The following HDGFL2 variants were observed in gnomAD, a reference collection of about 807,000 sequenced individuals.
HDGFL2 encodes HDGF like 2, also known as hepatoma-derived growth factor-related protein 2.
A neutral mutation model predicts 77.1 loss-of-function variants in HDGFL2; 36 were observed. The ratio of observed to expected loss-of-function variants is 0.47; its 90% CI spans 0.36 to 0.62. HDGFL2 has a LOEUF of 0.62. HDGFL2 is among the 20% of genes least tolerant of loss of function. HDGFL2 has a pLI of 0.00. For synonymous variants in HDGFL2, 463 were observed against 413.1 expected (o/e 1.12, Z -1.46); for missense variants, 976 against 973.4 (o/e 1.00, Z -0.04).
At position 4,498,747 on chromosome 19, in the gene HDGFL2, C is replaced by T. The variant is rs367608684; in HGVS notation, c.1474-67C>T. 2.4e-5 allele frequency: 25 copies of T among 1,060,800 alleles called. No individual in the cohort carries two copies. The East Asian group carries it at 4.1e-4, about 17-fold the overall frequency. The allele number at this position is 1,060,800 out of a possible 1,614,324, so 65.7% of individuals were successfully genotyped here. The stretch of plus-strand genomic sequence containing the variant: ...GCCCAGGATGTCTTCCTCCACCCAT[C>T]GGGGCCCTGGGACCCCTGGGGATCC... On this transcript the variant is annotated intron_variant, in intron 12 of 15. Coordinates refer to ENST00000616600, the MANE Select transcript of HDGFL2 (RefSeq NM_001001520.3).
At chr19:4,492,859 GT>G (rs1975561746) in intron 6 of HDGFL2, among the ~76,000 whole-genome samples, 2 of 145,802 alleles carry the variant, frequency 1.4e-5, no homozygotes, top group African/African-American at 2.6e-5. Flanking sequence ...TTGTCTGTGT[GT>G]GTGTGGTGTG....
intron 4 of HDGFL2, among the ~76,000 whole-genome samples, chr19:4,490,807 CT>C (rs34565005): frequency 0.69 from 99,560 of 144,836 alleles, 34,378 homozygotes; most frequent in Middle Eastern, 0.77. Flanking sequence ...TTTTTTTTCT[CT>C]TTTTTTTTTT....
intron 10 of HDGFL2, chr19:4,497,576 G>A: frequency 3.1e-6 from 1 of 322,966 alleles, no homozygotes; most frequent in South Asian, 3.0e-5. Context: ...CAGTGGCGGG[G>A]TACAGAGCAG....
rs542726760 is a variant in HDGFL2, at chr19:4,496,123, C to T, written c.1225-179C>T. 1.1e-4 allele frequency among the ~76,000 whole-genome samples: 16 copies of T among 152,250 alleles called. No individual in the cohort carries two copies. The South Asian group carries it at 3.1e-3, about 30-fold the overall frequency. ...TGGGGCCTGGGCTCCAAGAACCCCACGATCCACTCAGGACCGGACACTGGG... is the reference window on the plus strand; with the variant it reads ...TGGGGCCTGGGCTCCAAGAACCCCATGATCCACTCAGGACCGGACACTGGG... On this transcript the variant is annotated intron_variant, in intron 9 of 15. Transcript: ENST00000616600.
At chr19:4,478,462 A>G (rs751228617) in intron 3 of HDGFL2, among the ~76,000 whole-genome samples, 1 of 152,104 alleles carries the variant, frequency 6.6e-6, no homozygotes, top group South Asian at 2.1e-4. Flanking sequence ...TTGGCCTCCA[A>G]AGTGCTGGGA....
chr19:4,473,387 G>C (rs1175621263), intron 1 of HDGFL2, among the ~76,000 whole-genome samples: 1 of 151,772 alleles, frequency 6.6e-6, no homozygotes, highest in Non-Finnish European at 1.5e-5. Flanking sequence ...GGTGTCCAGG[G>C]TGCCTCAGGG....
At chr19:4,483,702 C>A (rs938239191) in intron 3 of HDGFL2, among the ~76,000 whole-genome samples, 2 of 152,074 alleles carry the variant, frequency 1.3e-5, no homozygotes, top group African/African-American at 4.8e-5. Flanking sequence ...CTTGCTCTCT[C>A]CTGGACACCA....
In HDGFL2 at chr19:4,488,735, T is replaced by C. The variant is rs929074553; in HGVS notation, c.348T>C (p.Ala116=). 3.9e-6 allele frequency: 6 copies of C among 1,553,742 alleles called. No individual in the cohort carries two copies. In the African/African-American group the frequency reaches 6.8e-5, roughly 18 times the overall value. ...CCAACCCCGCCGACGGCAGTGACGCTGACGAGGACGATGAGGACCGGGGGG... is the reference window on the plus strand; with the variant it reads ...CCAACCCCGCCGACGGCAGTGACGCCGACGAGGACGATGAGGACCGGGGGG... ...PEANPADGSD[A]DEDDEDRGVM... Residue 116 remains alanine (A), a synonymous_variant, in exon 4 of 16, where the codon GCT becomes GCC. Coordinates refer to ENST00000616600, the MANE Select transcript of HDGFL2 (RefSeq NM_001001520.3).
chr19:4,494,226 C>G lies in HDGFL2; in HGVS notation c.975C>G (p.Arg325=), dbSNP rs984422403. 1.4e-6 allele frequency: 2 copies of G among 1,462,356 alleles called. No individual in the cohort carries two copies. Among genetic ancestry groups the G allele is most frequent in the Non-Finnish European group, 1.8e-6 (2 of 1,110,974 alleles). The allele number at this position is 1,462,356 out of a possible 1,614,324, so 90.6% of individuals were successfully genotyped here. ...AGCGGCGGGACGAGGCGCGGAGGCG[C>G]GAGCTGGAGGCCCGGCGGCGGCGAG... is the stretch of plus-strand genomic sequence containing the variant. ...EWKRRDEARR[R]ELEARRRREQ... is the part of the protein sequence containing the mutation. The change falls in exon 9 of 16, where the codon CGC becomes CGG. Residue 325 remains arginine (R), a synonymous_variant. Transcript: ENST00000616600.
intron 1 of HDGFL2, among the ~76,000 whole-genome samples, chr19:4,474,658 T>A (rs1442632182): frequency 6.6e-6 from 1 of 152,060 alleles, no homozygotes; most frequent in Non-Finnish European, 1.5e-5. Flanking sequence ...TTCCCAGCTC[T>A]CTTCTTCCCA....
chr19:4,480,180 C>T (rs1298342770), intron 3 of HDGFL2, among the ~76,000 whole-genome samples: 1 of 152,002 alleles, frequency 6.6e-6, no homozygotes, highest in East Asian at 1.9e-4. Context: ...TAGAAGGATC[C>T]CACCTAATAC....
chr19:4,479,634 T>A (rs1346325969), intron 3 of HDGFL2, among the ~76,000 whole-genome samples: 2 of 146,906 alleles, frequency 1.4e-5, no homozygotes, highest in Non-Finnish European at 1.5e-5. Flanking sequence ...CTACAAAAAT[T>A]AGCCACGCTT....
At position 4,483,796 on chromosome 19, in the gene HDGFL2, T is replaced by C. The variant is rs1364335391; in HGVS notation, c.289-4880T>C. ...ACTTAATTGTTTCATGATTTTTTTT[T>C]TTTTTTTTTTTTTGAGACAGTCTTG... is the stretch of plus-strand genomic sequence containing the variant. On this transcript the variant is annotated intron_variant, in intron 3 of 15. Transcript: ENST00000616600. 2.0e-5 allele frequency among the ~76,000 whole-genome samples: 3 copies of C among 147,904 alleles called. No homozygotes were observed. The East Asian group carries it at 5.9e-4, about 29-fold the overall frequency.
intron 2 of HDGFL2, 25 bp downstream of exon 2, chr19:4,475,376 G>T (rs1568202438): frequency 3.1e-6 from 5 of 1,614,056 alleles, no homozygotes; most frequent in Non-Finnish European, 4.2e-6. Context: ...CTGGGGCTTG[G>T]TTTTCTCCTC....
At chr19:4,497,893 G>A in intron 10 of HDGFL2, 65 bp from the exon 11 acceptor site, 1 of 1,430,290 alleles carries the variant, frequency 7.0e-7, no homozygotes, top group Non-Finnish European at 9.6e-7. Context: ...ACCCCTTCAG[G>A]CGCCAGCCCC....
intron 1 of HDGFL2, among the ~76,000 whole-genome samples, chr19:4,474,182 C>T (rs538241317): frequency 6.6e-6 from 1 of 151,924 alleles, no homozygotes; most frequent in South Asian, 2.1e-4. Flanking sequence ...AGGAATTTGG[C>T]ACTGGGGGTG....
chr19:4,491,904 C>T (rs1975526087), intron 6 of HDGFL2, 69 bp downstream of exon 6: 1 of 1,428,180 alleles, frequency 7.0e-7, no homozygotes, highest in Admixed American at 1.7e-5. Context: ...AGTGCTGTCC[C>T]CAGGGCAGGG....
intron 3 of HDGFL2, among the ~76,000 whole-genome samples, chr19:4,479,688 A>C (rs1975164901): frequency 6.6e-6 from 1 of 151,868 alleles, no homozygotes; most frequent in Non-Finnish European, 1.5e-5. Flanking sequence ...AGGGTGGGTC[A>C]CCTGAGGTCA....
intron 15 of HDGFL2, 38 bp from the exon 16 acceptor site, chr19:4,501,873 G>A: frequency 7.2e-7 from 1 of 1,389,926 alleles, no homozygotes; most frequent in Non-Finnish European, 9.4e-7. Flanking sequence ...GGCAGGGGCG[G>A]GAGGGCATCC....
Sources: gnomAD v4.1 joint callset for allele counts (sites outside exome capture counted in the v4.1 genomes callset) on GRCh38, gnomAD v4.1.1 for gene constraint, MANE v1.5 for transcripts, NCBI Gene and HGNC (gene_info 2026-07-23, HGNC 2026-07-21) for gene names.